Variants in RERE observed in about 807,000 individuals in gnomAD.
RERE encodes the protein arginine-glutamic acid dipeptide repeats protein.
RERE carries 40 observed loss-of-function variants against 146.1 expected under a neutral mutation model. The observed-to-expected ratio is 0.27, with a 90% CI of 0.21 to 0.36. The LOEUF (loss-of-function observed/expected upper bound fraction) is 0.36. Among genes scored for constraint, RERE ranks in the 10% least tolerant of loss-of-function variants. RERE has a pLI of 1.00. For synonymous variants in RERE, 1,003 were observed against 866.0 expected (o/e 1.16, Z -2.78); for missense variants, 1,933 against 2,138.7 (o/e 0.90, Z 1.90).
At chr1:8,609,030 C>T (rs1646757580) in intron 4 of RERE, among the ~76,000 whole-genome samples, 1 of 152,038 alleles carries the variant, frequency 6.6e-6, no homozygotes, top group Non-Finnish European at 1.5e-5. Flanking sequence ...TCAGCCTGGC[C>T]AACATGGTGA....
At chr1:8,438,651 A>T (rs1226198926) in intron 11 of RERE, among the ~76,000 whole-genome samples, 1 of 152,186 alleles carries the variant, frequency 6.6e-6, no homozygotes, top group Non-Finnish European at 1.5e-5. Context: ...AAGGCCTCAC[A>T]GTTTACTTCC....
chr1:8,748,157 A>C (rs1336256058), intron 1 of RERE, among the ~76,000 whole-genome samples: 7 of 152,182 alleles, frequency 4.6e-5, no homozygotes, highest in Admixed American at 4.6e-4. Flanking sequence ...CTGGGAGAGA[A>C]ACACCCTTAT....
intron 1 of RERE, among the ~76,000 whole-genome samples, chr1:8,696,712 C>G (rs1472314516): frequency 5.3e-5 from 8 of 151,940 alleles, no homozygotes; most frequent in Admixed American, 5.2e-4. Flanking sequence ...GAGTTCGAGA[C>G]CAGCCTGGCC....
intron 11 of RERE, among the ~76,000 whole-genome samples, chr1:8,433,771 A>G (rs539070542): frequency 1.3e-5 from 2 of 151,440 alleles, no homozygotes; most frequent in African/African-American, 2.4e-5. Context: ...CTTGTTAGCC[A>G]GGATGGTCTC....
chr1:8,533,795 AT>A (rs1202777935), intron 7 of RERE, among the ~76,000 whole-genome samples: 1 of 152,256 alleles, frequency 6.6e-6, no homozygotes, highest in Non-Finnish European at 1.5e-5. Flanking sequence ...GTTATGTGTT[AT>A]TCCATTACTC....
intron 1 of RERE, chr1:8,792,507 C>A (rs552985351): frequency 6.6e-6 from 1 of 152,324 alleles, no homozygotes; most frequent in South Asian, 2.1e-4. Context: ...AAGCTCTCCA[C>A]AAATCTTCTC....
intron 4 of RERE, among the ~76,000 whole-genome samples, chr1:8,582,658 T>C (rs993462272): frequency 5.3e-5 from 8 of 152,010 alleles, no homozygotes; most frequent in African/African-American, 1.4e-4. Flanking sequence ...GAGGCAGAGG[T>C]TGCAGTGAGC....
intron 1 of RERE, among the ~76,000 whole-genome samples, chr1:8,771,834 C>T (rs562249572): frequency 6.9e-5 from 10 of 145,768 alleles, no homozygotes; most frequent in Admixed American, 4.2e-4. Flanking sequence ...GGCATGAACC[C>T]GGGAGGCGGA....
chr1:8,536,005 C>T (rs1368446996), intron 7 of RERE, among the ~76,000 whole-genome samples: 1 of 150,888 alleles, frequency 6.6e-6, no homozygotes, highest in Non-Finnish European at 1.5e-5. Flanking sequence ...ACTTGGGAGG[C>T]TGAGGCAGGA....
At chr1:8,733,733 G>A (rs745719579) in intron 1 of RERE, among the ~76,000 whole-genome samples, 2 of 152,252 alleles carry the variant, frequency 1.3e-5, no homozygotes, top group South Asian at 2.1e-4. Context: ...CACAAAAGGT[G>A]TGTGGGATAA....
rs368014703 is a variant in RERE, at chr1:8,361,237, C to G, written c.2270G>C (p.Gly757Ala). 2.6e-6 allele frequency: 4 copies of G among 1,552,218 alleles called. No homozygotes were observed. The highest frequency in any genetic ancestry group is 3.5e-6 in the Non-Finnish European group (4 of 1,152,544). ...VTPAPSSAPP[G>A]TPQLPTPGPT... Reference sequence around the variant, plus strand: ...CCCTGGCGTGGGCAGCTGAGGGGTCCCTGGAGGAGCTGAGGAGGGAGCTGG... The same window carrying G: ...CCCTGGCGTGGGCAGCTGAGGGGTCGCTGGAGGAGCTGAGGAGGGAGCTGG... Residue 757 changes from glycine to alanine, a missense_variant, in exon 18 of 23, where the codon GGG becomes GCG. This residue lies in a region of RERE where 1,255 missense variants were observed against 1,153.8 expected (regional missense o/e 1.09). Coordinates refer to ENST00000400908, the MANE Select transcript of RERE (RefSeq NM_001042681.2).
At chr1:8,430,727 A>C (rs1366158135) in intron 11 of RERE, among the ~76,000 whole-genome samples, 1 of 152,222 alleles carries the variant, frequency 6.6e-6, no homozygotes, top group Non-Finnish European at 1.5e-5. Flanking sequence ...TGCAGAGTGG[A>C]AGTGGTAGTG....
intron 12 of RERE, among the ~76,000 whole-genome samples, chr1:8,368,144 C>G (rs910824833): frequency 5.3e-5 from 8 of 152,186 alleles, no homozygotes; most frequent in Admixed American, 3.3e-4. Flanking sequence ...CTTCCTCAGT[C>G]CAAGTCATTT....
At chr1:8,462,687 G>A (rs969286033) in intron 11 of RERE, among the ~76,000 whole-genome samples, 1 of 152,198 alleles carries the variant, frequency 6.6e-6, no homozygotes, top group African/African-American at 2.4e-5. Context: ...CATCAAGACT[G>A]TTGTAGTCAG....
Position 8,354,970 on chromosome 1 carries a change from T to C in RERE, c.*117A>G, listed in dbSNP as rs900445512. On this transcript the variant is annotated 3_prime_UTR_variant, in exon 23 of 23. Transcript: ENST00000400908. The stretch of plus-strand genomic sequence containing the variant: ...TTTTAGTTGTGGGTTTTTAAATATA[T>C]AAAGAAATCTTTAGAAGATATTCTT... 23 of 818,046 alleles carry C rather than the reference T, an allele frequency of 2.8e-5. No homozygotes were observed. The highest frequency in any genetic ancestry group is 4.5e-5 in the Non-Finnish European group (23 of 508,580). The allele number at this position is 818,046 out of a possible 1,614,324, so 50.7% of individuals were successfully genotyped here.
chr1:8,653,434 G>A (rs375526167), intron 2 of RERE, among the ~76,000 whole-genome samples: 2 of 152,080 alleles, frequency 1.3e-5, no homozygotes, highest in Non-Finnish European at 2.9e-5. Context: ...TTGGCCAGGC[G>A]CGATGGCTCA....
At chr1:8,759,869 ACACACAC>A (rs1640718919) in intron 1 of RERE, among the ~76,000 whole-genome samples, 1 of 151,800 alleles carries the variant, frequency 6.6e-6, no homozygotes, top group Non-Finnish European at 1.5e-5. Flanking sequence ...ACACACACAC[ACACACAC>A]AATATGTCTT....
At chr1:8,814,818 G>A (rs1479886725) in intron 1 of RERE, among the ~76,000 whole-genome samples, 2 of 152,184 alleles carry the variant, frequency 1.3e-5, no homozygotes, top group Admixed American at 6.5e-5. Flanking sequence ...AGATGAGAAG[G>A]TATCATTCAA....
intron 11 of RERE, among the ~76,000 whole-genome samples, chr1:8,459,205 A>C (rs1644492584): frequency 6.6e-6 from 1 of 152,240 alleles, no homozygotes; most frequent in Non-Finnish European, 1.5e-5. Flanking sequence ...ACTTCAGGCA[A>C]ATCTCACTTG....
Sources: gnomAD v4.1 joint callset for allele counts (sites outside exome capture counted in the v4.1 genomes callset) on GRCh38, gnomAD v4.1.1 for gene constraint, gnomAD v4.1.1 regional missense constraint, MANE v1.5 for transcripts, NCBI Gene and HGNC (gene_info 2026-07-23, HGNC 2026-07-21) for gene names.